ESRRG: variants seen among roughly 807,000 people sequenced by gnomAD.
ESRRG encodes estrogen related receptor gamma.
A neutral mutation model predicts 44.0 loss-of-function variants in ESRRG; 13 were observed. That is an observed-to-expected ratio of 0.30 (90% CI 0.19 to 0.47). The LOEUF (loss-of-function observed/expected upper bound fraction) is 0.47, where lower values mean the gene tolerates loss of function less well. ESRRG is among the 20% of genes least tolerant of loss of function. The probability of loss-of-function intolerance (pLI) is 1.00; values close to 1 mark genes in which losing one functional copy is unlikely to be tolerated. For synonymous variants in ESRRG, 215 were observed against 214.6 expected, an observed-to-expected ratio of 1.00 and a Z score of -0.02; for missense variants, 395 against 580.6, an observed-to-expected ratio of 0.68 and a Z score of 3.29.
At chr1:217,031,101 T>C (rs2081999410) in intron 1 of ESRRG, among the ~76,000 whole-genome samples, 1 of 152,218 alleles carries the variant, frequency 6.6e-6, no homozygotes, top group Admixed American at 6.5e-5. Context: ...TGTTTTGATA[T>C]ATCCTGAAAG....
chr1:217,133,773 C>A (rs945995527), intron 1 of ESRRG, among the ~76,000 whole-genome samples: 1 of 151,666 alleles, frequency 6.6e-6, no homozygotes, highest in African/African-American at 2.4e-5. Flanking sequence ...CCTTTCCTTC[C>A]CTTCCCATTA....
intron 1 of ESRRG, among the ~76,000 whole-genome samples, chr1:217,005,358 G>A (rs2077587848): frequency 6.6e-6 from 1 of 152,092 alleles, no homozygotes; most frequent in South Asian, 2.1e-4. Flanking sequence ...TTAAAACAAA[G>A]ACTGGTGCCT....
chr1:216,736,026 G>T (rs1048555896), intron 2 of ESRRG, among the ~76,000 whole-genome samples: 14 of 147,614 alleles, frequency 9.5e-5, no homozygotes, highest in Admixed American at 8.9e-4. Flanking sequence ...ACATATATTT[G>T]CTTTCCTGGG....
chr1:216,887,128 C>T (rs186280007), intron 2 of ESRRG, among the ~76,000 whole-genome samples: 9 of 152,198 alleles, frequency 5.9e-5, no homozygotes, highest in East Asian at 1.9e-4. Context: ...TAAAACCGAT[C>T]GTCCAAGTGG....
At chr1:216,542,073 AGAG>A (rs2053021360) in intron 5 of ESRRG, among the ~76,000 whole-genome samples, 2 of 26,884 alleles carry the variant, frequency 7.4e-5, no homozygotes, top group East Asian at 1.4e-3. Context: ...TGTCTATGAC[AGAG>A]AGAGAGAGAG....
At chr1:216,833,207 T>A (rs1395110169) in intron 2 of ESRRG, among the ~76,000 whole-genome samples, 8 of 144,988 alleles carry the variant, frequency 5.5e-5, no homozygotes, top group Admixed American at 5.4e-4. Context: ...GCAAGGAAAA[T>A]TGCATATTTT....
intron 1 of ESRRG, among the ~76,000 whole-genome samples, chr1:217,117,578 C>T (rs1254232250): frequency 6.6e-6 from 1 of 151,974 alleles, no homozygotes; most frequent in African/African-American, 2.4e-5. Flanking sequence ...GAGCGAGACC[C>T]TGTCTCCAAA....
intron 2 of ESRRG, among the ~76,000 whole-genome samples, chr1:216,753,175 TACAC>T (rs145640833): frequency 6.7e-6 from 1 of 148,910 alleles, no homozygotes; most frequent in African/African-American, 2.5e-5. Flanking sequence ...TATATATTGA[TACAC>T]ACACACACAC....
intron 2 of ESRRG, among the ~76,000 whole-genome samples, chr1:216,803,704 G>C (rs528204433): frequency 7.1e-4 from 108 of 152,126 alleles, no homozygotes; most frequent in African/African-American, 2.4e-3. Flanking sequence ...GCAGCTCCGA[G>C]CCCTTCGTGT....
chr1:217,044,877 C>T (rs2084565793), intron 1 of ESRRG, among the ~76,000 whole-genome samples: 1 of 152,186 alleles, frequency 6.6e-6, no homozygotes, highest in Admixed American at 6.5e-5. Context: ...TGCACTCACA[C>T]ACAGACACAC....
chr1:216,603,846 T>G (rs1477136345), intron 3 of ESRRG, among the ~76,000 whole-genome samples: 1 of 149,786 alleles, frequency 6.7e-6, no homozygotes. Flanking sequence ...GACATGAGAA[T>G]CACTTGAACC....
intron 1 of ESRRG, among the ~76,000 whole-genome samples, chr1:217,127,330 A>AT (rs1227536650): frequency 6.6e-6 from 1 of 152,224 alleles, no homozygotes; most frequent in African/African-American, 2.4e-5. Context: ...AACAAACGTG[A>AT]TTAATGACAG....
chr1:216,798,859 T>C (rs1390208838), intron 2 of ESRRG, among the ~76,000 whole-genome samples: 1 of 152,280 alleles, frequency 6.6e-6, no homozygotes, highest in African/African-American at 2.4e-5. Context: ...GGTTAATATA[T>C]GCAAAGCATT....
intron 2 of ESRRG, among the ~76,000 whole-genome samples, chr1:216,873,960 G>GGGA: frequency 1.1e-5 from 1 of 91,200 alleles, no homozygotes. Flanking sequence ...AGTGGGGGAA[G>GGGA]AGGGGAGGGG....
chr1:216,695,025 T>G (rs899125315), intron 1 of ESRRG, among the ~76,000 whole-genome samples: 1 of 152,098 alleles, frequency 6.6e-6, no homozygotes, highest in Non-Finnish European at 1.5e-5. Context: ...TCTTCATTTA[T>G]AATGAAGATA....
chr1:216,920,476 C>A (rs566890103), intron 2 of ESRRG, among the ~76,000 whole-genome samples: 1 of 151,330 alleles, frequency 6.6e-6, no homozygotes, highest in East Asian at 2.0e-4. Flanking sequence ...CATGGCACAG[C>A]CTTTCACATT....
intron 2 of ESRRG, among the ~76,000 whole-genome samples, chr1:216,670,753 C>T (rs532571289): frequency 6.6e-6 from 1 of 152,158 alleles, no homozygotes; most frequent in African/African-American, 2.4e-5. Flanking sequence ...GGTCACTGGG[C>T]CTTAGACATG....
chr1:216,851,484 C>T (rs1025803182), intron 2 of ESRRG, among the ~76,000 whole-genome samples: 4 of 145,846 alleles, frequency 2.7e-5, no homozygotes, highest in Non-Finnish European at 4.7e-5. Context: ...GAGAGTGGAG[C>T]CCTCATGGAT....
chr1:216,648,097 A>G (rs1293876790), intron 3 of ESRRG, among the ~76,000 whole-genome samples: 1 of 152,182 alleles, frequency 6.6e-6, no homozygotes, highest in Admixed American at 6.5e-5. Context: ...GACATACTTC[A>G]TGGGACTGAA....
Sources: gnomAD v4.1 joint callset for allele counts (sites outside exome capture counted in the v4.1 genomes callset) on GRCh38, gnomAD v4.1.1 for gene constraint, MANE v1.5 for transcripts, NCBI Gene and HGNC (gene_info 2026-07-23, HGNC 2026-07-21) for gene names.